OLFML2B: variants seen among roughly 807,000 people sequenced by gnomAD.
OLFML2B encodes the protein olfactomedin like 2B, also known as olfactomedin-like protein 2B.
In OLFML2B, 57 loss-of-function variants were observed where a neutral mutation model predicts 74.9. The ratio of observed to expected loss-of-function variants is 0.76; its 90% CI spans 0.61 to 0.95. The LOEUF is 0.95. Ranked by LOEUF, OLFML2B falls within the 40% of genes least tolerant of loss-of-function variation. The pLI is 0.00. For missense variants in OLFML2B, 986 were observed against 970.6 expected (o/e 1.02, Z -0.21); for synonymous variants, 388 against 405.8 (o/e 0.96, Z 0.53).
Position 162,023,431 on chromosome 1 carries a change from G to A in OLFML2B, c.-1C>T, listed in dbSNP as rs981215447. 15 of 1,555,382 alleles carry A rather than the reference G, an allele frequency of 9.6e-6. No individual in the cohort carries two copies. In the African/African-American group the frequency reaches 1.6e-4, roughly 17 times the overall value. On this transcript the variant is annotated 5_prime_UTR_variant, in exon 1 of 8. Coordinates refer to ENST00000294794, the MANE Select transcript of OLFML2B (RefSeq NM_015441.3). ...GAACTAGCAGCCGAGGCTTGGCCAT[G>A]AGGGGCGCGATAAGAGTGTCCTCAG...
chr1:162,017,796 TG>T (rs1378420411), intron 2 of OLFML2B, among the ~76,000 whole-genome samples: 4 of 152,268 alleles, frequency 2.6e-5, no homozygotes, highest in African/African-American at 9.6e-5. Flanking sequence ...TTATGAAATC[TG>T]TCAGTTGCAT....
At chr1:162,022,241 CTT>C (rs1690725289) in intron 1 of OLFML2B, among the ~76,000 whole-genome samples, 1 of 98,246 alleles carries the variant, frequency 1.0e-5, no homozygotes, top group Non-Finnish European at 1.9e-5. Context: ...CCATGTATCT[CTT>C]CTTTTTTTTT....
At chr1:162,006,583 A>C in intron 3 of OLFML2B, 110 bp from the exon 4 acceptor site, 1 of 856,554 alleles carries the variant, frequency 1.2e-6, no homozygotes, top group Non-Finnish European at 1.8e-6. Flanking sequence ...CAGGCTGAGA[A>C]ATCATCCAAC....
Position 161,984,135 on chromosome 1 carries a change from C to G in OLFML2B, c.1793G>C (p.Trp598Ser). The G allele has an allele frequency of 6.2e-7, 1 of 1,610,854 alleles. No homozygotes were observed. The highest frequency in any genetic ancestry group is 8.5e-7 in the Non-Finnish European group (1 of 1,178,236). ...GTAGGCCACGTCATGCAGCATGGCC[C>G]AGGCAGCCACGTAGCGCTGCTTCAG... ...YDLKQRYVAAWAMLHDVAYEE... is the reference protein window; with the variant it reads ...YDLKQRYVAASAMLHDVAYEE... Residue 598 changes from tryptophan (W) to serine (S), a missense_variant, in exon 8 of 8, where the codon TGG (tryptophan) becomes TCG (serine). By Grantham distance (177) the Trp-to-Ser change is radical (BLOSUM62 -3). Coordinates refer to ENST00000294794, the MANE Select transcript of OLFML2B (RefSeq NM_015441.3).
At chr1:161,984,496 G>A (rs1300081022) in intron 7 of OLFML2B, among the ~76,000 whole-genome samples, 3 of 152,208 alleles carry the variant, frequency 2.0e-5, no homozygotes, top group Non-Finnish European at 2.9e-5. Context: ...CCTGTTTCAA[G>A]GATCCGGGGA....
rs763337711 is a variant in OLFML2B, at chr1:161,997,109, A to T, written c.1474+716T>A. On this transcript the variant is annotated intron_variant, in intron 6 of 7. Coordinates refer to ENST00000294794, the MANE Select transcript of OLFML2B (RefSeq NM_015441.3). ...GAGGCGGAGCTTGCAGTGAGCCAAG[A>T]TTGCACCACTGCACTCCAGCCTGGG... Among the ~76,000 whole-genome samples, 187 of 152,244 alleles carry T rather than the reference A, an allele frequency of 1.2e-3. 1 individual carries two copies. The highest frequency in any genetic ancestry group is 1.8e-3 in the Non-Finnish European group (125 of 68,004).
chr1:162,001,230 G>A (rs1378873298), intron 4 of OLFML2B, among the ~76,000 whole-genome samples: 1 of 152,144 alleles, frequency 6.6e-6, no homozygotes, highest in East Asian at 1.9e-4. Context: ...TGTGCTTTAT[G>A]GCAGAGATTT....
chr1:161,989,907 G>A (rs971141560), intron 6 of OLFML2B, among the ~76,000 whole-genome samples: 4 of 152,204 alleles, frequency 2.6e-5, no homozygotes, highest in Non-Finnish European at 4.4e-5. Flanking sequence ...GAACCAGATC[G>A]TGCTCCGAAA....
chr1:161,990,833 C>T (rs999511385), intron 6 of OLFML2B, among the ~76,000 whole-genome samples: 16 of 152,308 alleles, frequency 1.1e-4, no homozygotes, highest in African/African-American at 3.4e-4. Context: ...CAAACCATGC[C>T]ACTGTTTTAT....
At position 162,000,480 on chromosome 1, in the gene OLFML2B, C is replaced by T. The variant is rs2101961760; in HGVS notation, c.724-142G>A. On this transcript the variant is annotated intron_variant, in intron 4 of 7. Coordinates refer to ENST00000294794, the MANE Select transcript of OLFML2B (RefSeq NM_015441.3). The stretch of plus-strand genomic sequence containing the variant: ...CAGGCACTGTTCTAAGTGCTTTATA[C>T]ATTTACATATGTTAACTAATTTAAT... 9.9e-6 allele frequency: 6 copies of T among 607,582 alleles called. No individual in the cohort carries two copies. The East Asian group carries it at 1.4e-4, about 14-fold the overall frequency. The allele number at this position is 607,582 out of a possible 1,614,324, so 37.6% of individuals were successfully genotyped here. A position where few individuals can be genotyped will look rare whatever the true frequency, so the allele number is the denominator to read the frequency against.
At position 161,984,071 on chromosome 1, in the gene OLFML2B, G is replaced by A. The variant is rs555595664; in HGVS notation, c.1857C>T (p.Asp619=). The change falls in exon 8 of 8, where the codon GAC becomes GAT. Residue 619 remains aspartate (D), a synonymous_variant. Coordinates refer to ENST00000294794, the MANE Select transcript of OLFML2B (RefSeq NM_015441.3). ...ATPWRWQGHS[D]VDFAVDENGL... ...CATTCTCGTCCACAGCAAAGTCCAC[G>A]TCTGAGTGGCCCTGCCATCGCCAGG... The A allele has an allele frequency of 1.9e-6, 3 of 1,613,926 alleles. No homozygotes were observed. Among genetic ancestry groups the A allele is most frequent in the East Asian group, 2.2e-5 (1 of 44,864 alleles).
At position 162,023,378 on chromosome 1, in the gene OLFML2B, G is replaced by T; in HGVS notation, c.53C>A (p.Ala18Asp). The change falls in exon 1 of 8, where the codon GCC becomes GAC. Residue 18 changes from alanine (A) to aspartate (D), a missense_variant. Ala to Asp is a moderately radical substitution (Grantham distance 126). Transcript: ENST00000294794. Reference protein sequence around the residue: ...VLYFALIVVPAWVSSIVLTGT... With the variant: ...VLYFALIVVPDWVSSIVLTGT... ...TGTGAGGACAATGCTGGACACCCAG[G>T]CCGGAACCACAATCAGAGCGAAGTA... 1 of 1,603,556 alleles carries T rather than the reference G, an allele frequency of 6.2e-7. No individual in the cohort carries two copies. The highest frequency in any genetic ancestry group is 8.5e-7 in the Non-Finnish European group (1 of 1,173,874).
chr1:162,006,305 G>A lies in OLFML2B; in HGVS notation c.715C>T (p.His239Tyr), dbSNP rs187194421. Reference protein sequence around the residue: ...LQRDAAAAYAHPEYEERFLQE... With the variant: ...LQRDAAAAYAYPEYEERFLQE... ...GGAGGCTGGGGCTATACCTCTGGGT[G>A]GGCGTAGGCTGCTGCTGCATCCCTC... The change falls in exon 4 of 8, where the codon CAC becomes TAC. Residue 239 changes from histidine to tyrosine, a missense_variant. Coordinates refer to ENST00000294794, the MANE Select transcript of OLFML2B (RefSeq NM_015441.3). The A allele has an allele frequency of 6.3e-6, 10 of 1,582,730 alleles. No homozygotes were observed. In the East Asian group the frequency reaches 2.3e-4, roughly 36 times the overall value.
chr1:161,995,046 A>C (rs1689853685), intron 6 of OLFML2B, among the ~76,000 whole-genome samples: 1 of 152,232 alleles, frequency 6.6e-6, no homozygotes, highest in Non-Finnish European at 1.5e-5. Context: ...GGGAGATGTC[A>C]TCACATCACG....
At position 161,991,859 on chromosome 1, in the gene OLFML2B, G is replaced by C. The variant is rs550777884; in HGVS notation, c.1474+5966C>G. On this transcript the variant is annotated intron_variant, in intron 6 of 7. Coordinates refer to ENST00000294794, the MANE Select transcript of OLFML2B (RefSeq NM_015441.3). ...TTGTTCCATGTATAGAGCACCAGGAGAGTAGATTTGCATAATTCTTAAGGG... is the reference window on the plus strand; with the variant it reads ...TTGTTCCATGTATAGAGCACCAGGACAGTAGATTTGCATAATTCTTAAGGG... 9.2e-5 allele frequency among the ~76,000 whole-genome samples: 14 copies of C among 152,340 alleles called. No individual in the cohort carries two copies. In the South Asian group the frequency reaches 2.9e-3, roughly 32 times the overall value.
rs1482584065 is a variant in OLFML2B at position 162,023,480 on chromosome 1, G to A, written c.-50C>T. 2.3e-6 allele frequency: 3 copies of A among 1,324,844 alleles called. No individual in the cohort carries two copies. Among genetic ancestry groups the A allele is most frequent in the Non-Finnish European group, 3.0e-6 (3 of 1,004,944 alleles). 82.1% of individuals were successfully genotyped at this position (1,324,844 alleles called of 1,614,324 possible). On this transcript the variant is annotated 5_prime_UTR_variant, in exon 1 of 8. Transcript: ENST00000294794. ...AGCCCCTTCAGAGAATGGCTGGGGC[G>A]GGGGGTCTCGGCAAGGACTTCTGCG... is the stretch of plus-strand genomic sequence containing the variant.
At chr1:161,988,549 C>T (rs1689650328) in intron 6 of OLFML2B, among the ~76,000 whole-genome samples, 2 of 149,732 alleles carry the variant, frequency 1.3e-5, no homozygotes, top group African/African-American at 4.9e-5. Flanking sequence ...ACCCCCCACC[C>T]CCGCTGACAC....
At chr1:161,989,680 C>G (rs571643931) in intron 6 of OLFML2B, among the ~76,000 whole-genome samples, 62 of 152,284 alleles carry the variant, frequency 4.1e-4, no homozygotes, top group Non-Finnish European at 7.9e-4. Flanking sequence ...CACCCTCGAA[C>G]TTGTATTTTA....
chr1:162,022,244 C>CTTTTTTTTTTTTTTTTT (rs56395023), intron 1 of OLFML2B, among the ~76,000 whole-genome samples: 1 of 70,736 alleles, frequency 1.4e-5, no homozygotes, highest in African/African-American at 5.9e-5. Flanking sequence ...TGTATCTCTT[C>CTTTTTTTTTTTTTTTTT]TTTTTTTTTT....
Sources: gnomAD v4.1 joint callset for allele counts (sites outside exome capture counted in the v4.1 genomes callset) on GRCh38, gnomAD v4.1.1 for gene constraint, MANE v1.5 for transcripts, NCBI Gene and HGNC (gene_info 2026-07-23, HGNC 2026-07-21) for gene names.